The following MAP4K3 variants were observed in gnomAD, a reference collection of about 807,000 sequenced individuals.
MAP4K3 encodes the protein mitogen-activated protein kinase kinase kinase kinase 3.
MAP4K3 carries 94 observed loss-of-function variants against 143.5 expected under a neutral mutation model. That is an observed-to-expected ratio of 0.65 (90% CI 0.55 to 0.78). The LOEUF is 0.78. Ranked by LOEUF, MAP4K3 falls within the 30% of genes least tolerant of loss-of-function variation. The pLI is 0.00. For missense variants in MAP4K3, 1,077 were observed against 1,068.1 expected (o/e 1.01, Z -0.12); for synonymous variants, 416 against 347.2 (o/e 1.20, Z -2.20).
At chr2:39,409,237 C>T (rs1237660418) in intron 1 of MAP4K3, among the ~76,000 whole-genome samples, 1 of 152,168 alleles carries the variant, frequency 6.6e-6, no homozygotes, top group Non-Finnish European at 1.5e-5. Context: ...GAATATAATA[C>T]ACAATACATA....
chr2:39,380,516 T>G (rs1161310844), intron 1 of MAP4K3, among the ~76,000 whole-genome samples: 1 of 152,192 alleles, frequency 6.6e-6, no homozygotes, highest in Non-Finnish European at 1.5e-5. Context: ...AGATAGAAAT[T>G]ATAAAATATT....
At chr2:39,315,248 G>C (rs911724100) in intron 13 of MAP4K3, 62 bp downstream of exon 13, 3 of 1,166,378 alleles carry the variant, frequency 2.6e-6, no homozygotes, top group Non-Finnish European at 3.7e-6. Context: ...AAAAATAACT[G>C]TAACTAAATT....
At chr2:39,259,575 A>C (rs898310230) in intron 29 of MAP4K3, among the ~76,000 whole-genome samples, 9 of 152,226 alleles carry the variant, frequency 5.9e-5, no homozygotes, top group Non-Finnish European at 8.8e-5. Flanking sequence ...AGTTATGAAA[A>C]TGTTAAGTAC....
intron 1 of MAP4K3, among the ~76,000 whole-genome samples, chr2:39,434,322 T>G (rs1178702531): frequency 6.6e-6 from 1 of 152,184 alleles, no homozygotes; most frequent in African/African-American, 2.4e-5. Context: ...TAGAATAAAC[T>G]TGATTATAGA....
chr2:39,321,261 G>T (rs544633381), intron 12 of MAP4K3, among the ~76,000 whole-genome samples: 1 of 152,280 alleles, frequency 6.6e-6, no homozygotes, highest in African/African-American at 2.4e-5. Flanking sequence ...CTTCTGCCTT[G>T]ACATTCTGTT....
intron 3 of MAP4K3, 134 bp downstream of exon 3, chr2:39,356,115 T>A: frequency 3.4e-6 from 2 of 595,790 alleles, no homozygotes; most frequent in Non-Finnish European, 3.0e-6. Context: ...AAAAATTCCA[T>A]TGGTATGAAA....
chr2:39,284,291 A>G (rs1419353814), intron 21 of MAP4K3, among the ~76,000 whole-genome samples: 2 of 151,966 alleles, frequency 1.3e-5, no homozygotes, highest in Admixed American at 1.3e-4. Flanking sequence ...CCTCCTGAGT[A>G]GCTGAGATTA....
At chr2:39,322,725 A>G (rs1382694443) in intron 12 of MAP4K3, among the ~76,000 whole-genome samples, 3 of 150,024 alleles carry the variant, frequency 2.0e-5, no homozygotes, top group African/African-American at 4.9e-5. Context: ...GCTGGAGTGC[A>G]GTCGCATGAT....
chr2:39,433,781 A>T (rs541287866), intron 1 of MAP4K3, among the ~76,000 whole-genome samples: 1 of 152,318 alleles, frequency 6.6e-6, no homozygotes, highest in South Asian at 2.1e-4. Context: ...AAGCCTGCAG[A>T]GTTACACGAC....
chr2:39,423,697 T>C (rs913708933), intron 1 of MAP4K3, among the ~76,000 whole-genome samples: 1 of 152,200 alleles, frequency 6.6e-6, no homozygotes, highest in Non-Finnish European at 1.5e-5. Flanking sequence ...TCCAATTATA[T>C]GACATTCTGG....
At chr2:39,414,901 A>C (rs1194104465) in intron 1 of MAP4K3, among the ~76,000 whole-genome samples, 1 of 152,196 alleles carries the variant, frequency 6.6e-6, no homozygotes, top group East Asian at 1.9e-4. Context: ...GTATGTACCA[A>C]TCTAATACTT....
chr2:39,282,605 T>A (rs758963052), intron 21 of MAP4K3, 51 bp from the exon 22 acceptor site: 41 of 1,188,104 alleles, frequency 3.5e-5, no homozygotes, highest in Non-Finnish European at 5.0e-5. Context: ...CTGTTTGATA[T>A]AATAATACTG....
intron 1 of MAP4K3, among the ~76,000 whole-genome samples, chr2:39,393,037 GCTTA>G (rs1666710893): frequency 1.3e-5 from 2 of 152,326 alleles, no homozygotes; most frequent in South Asian, 4.1e-4. Context: ...GGACTGTTCT[GCTTA>G]CTTAATTTGA....
At chr2:39,357,093 A>G (rs1336890535) in intron 2 of MAP4K3, among the ~76,000 whole-genome samples, 1 of 152,228 alleles carries the variant, frequency 6.6e-6, no homozygotes, top group Non-Finnish European at 1.5e-5. Flanking sequence ...TCAGACTATT[A>G]GCAAATAATC....
At chr2:39,347,149 A>G (rs1479899918) in intron 3 of MAP4K3, among the ~76,000 whole-genome samples, 2 of 152,192 alleles carry the variant, frequency 1.3e-5, no homozygotes, top group African/African-American at 4.8e-5. Context: ...TGTGAAAATG[A>G]CGTCATCCCT....
chr2:39,398,065 G>A (rs942582800), intron 1 of MAP4K3, among the ~76,000 whole-genome samples: 3 of 152,082 alleles, frequency 2.0e-5, no homozygotes, highest in African/African-American at 7.2e-5. Context: ...TATATATACA[G>A]GGAATCCAAT....
Position 39,310,861 on chromosome 2 carries a change from T to C in MAP4K3, c.998-1342A>G, listed in dbSNP as rs150931109. 3.3e-3 allele frequency among the ~76,000 whole-genome samples: 496 copies of C among 152,290 alleles called. 3 individuals carry two copies. The highest frequency in any genetic ancestry group is 0.012 in the African/African-American group (478 of 41,552). On this transcript the variant is annotated intron_variant, in intron 13 of 33. Coordinates refer to ENST00000263881, the MANE Select transcript of MAP4K3 (RefSeq NM_003618.4). ...TTACAATTAGTGATGCTGAACTAAT[T>C]GTAATATTACAATTAGTGATATTTT... is the stretch of plus-strand genomic sequence containing the variant.
At chr2:39,358,078 T>C (rs1573193969) in intron 2 of MAP4K3, among the ~76,000 whole-genome samples, 1 of 152,192 alleles carries the variant, frequency 6.6e-6, no homozygotes, top group African/African-American at 2.4e-5. Flanking sequence ...ACTGAGCTAT[T>C]ACAGCAAGCC....
intron 2 of MAP4K3, 47 bp downstream of exon 2, chr2:39,378,017 ATC>A: frequency 9.4e-7 from 1 of 1,061,050 alleles, no homozygotes; most frequent in Non-Finnish European, 1.4e-6. Context: ...GCCTTAAGAT[ATC>A]CCATGGCTTT....
Sources: allele counts gnomAD v4.1 joint callset (sites outside exome capture counted in the v4.1 genomes callset), GRCh38; gene constraint gnomAD v4.1.1; transcripts MANE v1.5; gene names NCBI Gene and HGNC (gene_info 2026-07-23, HGNC 2026-07-21).